The following CEP128 variants were observed in gnomAD, a reference collection of about 807,000 sequenced individuals.
CEP128 encodes centrosomal protein 128, also known as centrosomal protein 128kDa.
CEP128 carries 132 observed loss-of-function variants against 156.7 expected under a neutral mutation model. The ratio of observed to expected loss-of-function variants is 0.84; its 90% CI spans 0.73 to 0.97. The LOEUF is 0.97. Among genes scored for constraint, CEP128 ranks in the 50% least tolerant of loss-of-function variants. CEP128 has a pLI of 0.00. For missense variants in CEP128, 1,252 were observed against 1,281.9 expected (o/e 0.98, Z 0.36); for synonymous variants, 469 against 448.9 (o/e 1.04, Z -0.57).
intron 16 of CEP128, among the ~76,000 whole-genome samples, chr14:80,764,197 CAT>C (rs975981914): frequency 7.9e-5 from 12 of 152,118 alleles, no homozygotes; most frequent in African/African-American, 2.7e-4. Context: ...CTTTAGAAAA[CAT>C]AGAAAATTTC....
intron 2 of CEP128, among the ~76,000 whole-genome samples, chr14:80,924,926 G>A (rs1419235985): frequency 6.6e-6 from 1 of 152,060 alleles, no homozygotes; most frequent in Non-Finnish European, 1.5e-5. Context: ...CAATGGCAGT[G>A]GAGATGAAGT....
chr14:80,681,019 C>G (rs1329524334), intron 19 of CEP128, among the ~76,000 whole-genome samples: 1 of 144,440 alleles, frequency 6.9e-6, no homozygotes, highest in Non-Finnish European at 1.5e-5. Context: ...ATATACCATG[C>G]TGGCTATATA....
At chr14:80,498,283 C>T (rs1393059119) in intron 24 of CEP128, among the ~76,000 whole-genome samples, 1 of 152,118 alleles carries the variant, frequency 6.6e-6, no homozygotes, top group African/African-American at 2.4e-5. Flanking sequence ...CTCTCATCAG[C>T]CCCCAAGTCA....
chr14:80,873,096 T>C (rs1204798011), intron 8 of CEP128, among the ~76,000 whole-genome samples: 1 of 152,178 alleles, frequency 6.6e-6, no homozygotes, highest in Non-Finnish European at 1.5e-5. Context: ...GAGTGTACAA[T>C]TATGTGGGCA....
chr14:80,896,984 TTTAACTTATATATCCTTAGGTAA>T (rs1199245686), intron 7 of CEP128, among the ~76,000 whole-genome samples: 1 of 152,214 alleles, frequency 6.6e-6, no homozygotes, highest in African/African-American at 2.4e-5. Flanking sequence ...TACAATCTTA[TTTAACTTATATATCCTTAGGTAA>T]TTTCCTCAAA....
At chr14:80,495,756 C>T (rs993840374), downstream of CEP128, among the ~76,000 whole-genome samples, 2 of 152,072 alleles carry the variant, frequency 1.3e-5, no homozygotes, top group Admixed American at 6.6e-5. Flanking sequence ...CCTACTAATA[C>T]ATAAAAGAAA....
intron 20 of CEP128, among the ~76,000 whole-genome samples, chr14:80,568,183 A>G (rs1335300136): frequency 1.3e-5 from 2 of 152,190 alleles, no homozygotes; most frequent in Non-Finnish European, 2.9e-5. Flanking sequence ...CCTGAGGCTG[A>G]CATCTCCTTT....
In CEP128 at chr14:80,663,141, G is replaced by T. The variant is rs146293127; in HGVS notation, c.2806+79934C>A. 1.6e-3 allele frequency among the ~76,000 whole-genome samples: 241 copies of T among 152,212 alleles called. 1 individual carries two copies. Among genetic ancestry groups the T allele is most frequent in the African/African-American group, 5.5e-3 (230 of 41,516 alleles). On this transcript the variant is annotated intron_variant, in intron 19 of 24. Coordinates refer to ENST00000555265, the MANE Select transcript of CEP128 (RefSeq NM_152446.5). Reference sequence around the variant, plus strand: ...CCTTGCAGTCTTCACTACAGGCCCCGGGCTGAGAGAGCAGGCTCTCTAGGA... The same window carrying T: ...CCTTGCAGTCTTCACTACAGGCCCCTGGCTGAGAGAGCAGGCTCTCTAGGA...
chr14:80,894,649 T>C (rs1889263102), intron 8 of CEP128: 1 of 458,226 alleles, frequency 2.2e-6, no homozygotes, highest in Non-Finnish European at 4.4e-6. Context: ...GCATTGTATC[T>C]TCACCTTTCC....
intron 13 of CEP128, among the ~76,000 whole-genome samples, chr14:80,800,807 T>C (rs1001119529): frequency 6.6e-6 from 1 of 152,192 alleles, no homozygotes; most frequent in South Asian, 2.1e-4. Context: ...TAAGTACTGA[T>C]TGGGGTGCAT....
chr14:80,600,598 C>G (rs1401290275), intron 19 of CEP128, among the ~76,000 whole-genome samples: 2 of 151,910 alleles, frequency 1.3e-5, no homozygotes, highest in Non-Finnish European at 2.9e-5. Flanking sequence ...GTACAGTAGA[C>G]AATAAGTCAA....
At chr14:80,541,707 G>A (rs572614957) in intron 21 of CEP128, among the ~76,000 whole-genome samples, 1 of 151,260 alleles carries the variant, frequency 6.6e-6, no homozygotes, top group South Asian at 2.1e-4. Flanking sequence ...CCATACTTTT[G>A]CTTCTGTCCT....
At chr14:80,691,218 T>G (rs554175381) in intron 19 of CEP128, among the ~76,000 whole-genome samples, 1 of 152,356 alleles carries the variant, frequency 6.6e-6, no homozygotes, top group African/African-American at 2.4e-5. Flanking sequence ...AATAACTTTA[T>G]TTTCTTTTTC....
At chr14:80,955,805 A>G in intron 2 of CEP128, 1 of 1,614,208 alleles carries the variant, frequency 6.2e-7, no homozygotes, top group Non-Finnish European at 8.5e-7. Flanking sequence ...GTCACCTGCA[A>G]GGATATTCAA....
At chr14:80,717,509 C>T (rs1459346008) in intron 19 of CEP128, among the ~76,000 whole-genome samples, 3 of 152,064 alleles carry the variant, frequency 2.0e-5, no homozygotes, top group East Asian at 1.9e-4. Flanking sequence ...CCATGAGCAT[C>T]AGAAGGGGTA....
At chr14:80,532,822 T>C (rs182210209) in intron 21 of CEP128, among the ~76,000 whole-genome samples, 2 of 152,316 alleles carry the variant, frequency 1.3e-5, no homozygotes, top group African/African-American at 4.8e-5. Flanking sequence ...AGTTTTTCTA[T>C]TTCTTCATAT....
intron 19 of CEP128, among the ~76,000 whole-genome samples, chr14:80,600,145 GC>G (rs1358568986): frequency 6.6e-6 from 1 of 152,090 alleles, no homozygotes; most frequent in Non-Finnish European, 1.5e-5. Context: ...ACCAACATAT[GC>G]AAAATGACAC....
chr14:80,942,872 A>G (rs572124349), upstream of CEP128, among the ~76,000 whole-genome samples: 3 of 152,268 alleles, frequency 2.0e-5, no homozygotes, highest in Admixed American at 2.0e-4. Context: ...TAATTAGCAC[A>G]TAAATTTGAT....
chr14:80,497,287 A>T lies in CEP128; in HGVS notation c.*192T>A, dbSNP rs1887531503. On this transcript the variant is annotated 3_prime_UTR_variant, in exon 25 of 25. Coordinates refer to ENST00000555265, the MANE Select transcript of CEP128 (RefSeq NM_152446.5). ...ATAAATTAGCTGCACATCATTCATG[A>T]TCTGATATTATTTGGATTGGTTTAC... 3.9e-6 allele frequency: 2 copies of T among 516,476 alleles called. No homozygotes were observed. Among genetic ancestry groups the T allele is most frequent in the South Asian group, 6.1e-5 (2 of 32,958 alleles). The allele number at this position is 516,476 out of a possible 1,614,324, so 32.0% of individuals were successfully genotyped here.
Sources: allele counts gnomAD v4.1 joint callset (sites outside exome capture counted in the v4.1 genomes callset), GRCh38; gene constraint gnomAD v4.1.1; transcripts MANE v1.5; gene names NCBI Gene and HGNC (gene_info 2026-07-23, HGNC 2026-07-21).